The following SH3GL3 variants were observed in gnomAD, a reference collection of about 807,000 sequenced individuals.
SH3GL3 encodes SH3 domain containing GRB2 like 3, endophilin A3, also known as endophilin-A3.
A neutral mutation model predicts 47.7 loss-of-function variants in SH3GL3; 33 were observed. The ratio of observed to expected loss-of-function variants is 0.69; its 90% CI spans 0.52 to 0.92. The LOEUF (loss-of-function observed/expected upper bound fraction) is 0.92, where lower values mean the gene tolerates loss of function less well. SH3GL3 is among the 40% of genes least tolerant of loss of function. The probability of loss-of-function intolerance (pLI) is 0.00; values close to 1 mark genes in which losing one functional copy is unlikely to be tolerated. For missense variants in SH3GL3, 363 were observed against 417.8 expected (o/e 0.87, Z 1.14); for synonymous variants, 155 against 148.8 (o/e 1.04, Z -0.30).
chr15:83,568,309 C>A (rs1265287766), intron 3 of SH3GL3, among the ~76,000 whole-genome samples: 1 of 152,122 alleles, frequency 6.6e-6, no homozygotes, highest in Non-Finnish European at 1.5e-5. Context: ...TTCTATGGTT[C>A]ATCGTGGCTG....
chr15:83,479,460 G>T (rs538390367), intron 1 of SH3GL3, among the ~76,000 whole-genome samples: 1 of 152,074 alleles, frequency 6.6e-6, no homozygotes, highest in South Asian at 2.1e-4. Flanking sequence ...AATCAAGTTA[G>T]TTACCATGGA....
At chr15:83,508,609 C>T (rs1293072507) in intron 1 of SH3GL3, among the ~76,000 whole-genome samples, 5 of 151,464 alleles carry the variant, frequency 3.3e-5, no homozygotes, top group Non-Finnish European at 5.9e-5. Flanking sequence ...GATGGAGTCT[C>T]GCTCTGTTGC....
intron 1 of SH3GL3, among the ~76,000 whole-genome samples, chr15:83,492,083 G>T (rs1358547579): frequency 6.6e-6 from 1 of 152,116 alleles, no homozygotes; most frequent in African/African-American, 2.4e-5. Flanking sequence ...AGGAGATCAA[G>T]ACCATCCTGG....
intron 8 of SH3GL3, among the ~76,000 whole-genome samples, chr15:83,598,222 G>C (rs1296150131): frequency 2.0e-5 from 3 of 152,084 alleles, no homozygotes; most frequent in Non-Finnish European, 4.4e-5. Flanking sequence ...AGGGCTCCTG[G>C]CACTGGTACA....
At chr15:83,467,933 T>C (rs1337950286) in intron 1 of SH3GL3, among the ~76,000 whole-genome samples, 1 of 152,200 alleles carries the variant, frequency 6.6e-6, no homozygotes. Flanking sequence ...GTTGACGCCA[T>C]TCTCCTGCCT....
chr15:83,448,450 G>A lies in SH3GL3; in HGVS notation c.45+872G>A, dbSNP rs1453260516. On this transcript the variant is annotated intron_variant, in intron 1 of 8. Coordinates refer to ENST00000427482, the MANE Select transcript of SH3GL3 (RefSeq NM_003027.5). The surrounding 1 kb of genome is among the most constrained non-coding windows in gnomAD (Gnocchi z 4.2). ...GGGGAGACATGAAATTGATGTGTGT[G>A]TGTGTGTGTGTGTGTGTGTGTGTGT... 6.8e-6 allele frequency among the ~76,000 whole-genome samples: 1 copy of A among 147,668 alleles called. No homozygotes were observed. Among genetic ancestry groups the A allele is most frequent in the Non-Finnish European group, 1.5e-5 (1 of 66,488 alleles).
chr15:83,613,635 CTATCTAT>C (rs1469207983), intron 8 of SH3GL3, among the ~76,000 whole-genome samples: 2 of 145,776 alleles, frequency 1.4e-5, no homozygotes, highest in East Asian at 4.0e-4. Flanking sequence ...ATCTATCTAT[CTATCTAT>C]CTATCTATCT....
intron 4 of SH3GL3, among the ~76,000 whole-genome samples, chr15:83,570,833 A>G (rs1329696742): frequency 6.6e-6 from 1 of 152,202 alleles, no homozygotes; most frequent in Admixed American, 6.5e-5. Context: ...TCTAAGGGCC[A>G]ATGGGGACAA....
chr15:83,476,417 G>A (rs1261632310), intron 1 of SH3GL3, among the ~76,000 whole-genome samples: 1 of 152,146 alleles, frequency 6.6e-6, no homozygotes, highest in Non-Finnish European at 1.5e-5. Context: ...AATTTGAGGT[G>A]CTTTCATCAT....
At chr15:83,616,572 A>G (rs2060825120) in intron 8 of SH3GL3, among the ~76,000 whole-genome samples, 1 of 152,164 alleles carries the variant, frequency 6.6e-6, no homozygotes, top group African/African-American at 2.4e-5. Flanking sequence ...AACCTAATAG[A>G]AAAATAAATT....
chr15:83,553,150 C>G (rs2044753925), intron 1 of SH3GL3, among the ~76,000 whole-genome samples: 1 of 152,002 alleles, frequency 6.6e-6, no homozygotes, highest in Non-Finnish European at 1.5e-5. Context: ...CCTGTGGTCT[C>G]AGCTACTCCT....
At chr15:83,575,585 C>T (rs566367294) in intron 5 of SH3GL3, among the ~76,000 whole-genome samples, 7 of 152,240 alleles carry the variant, frequency 4.6e-5, no homozygotes, top group African/African-American at 7.2e-5. Context: ...ATTTGACATA[C>T]GGCTGACTTT....
intron 1 of SH3GL3, among the ~76,000 whole-genome samples, chr15:83,558,579 A>G (rs180753932): frequency 2.5e-3 from 379 of 152,184 alleles, no homozygotes; most frequent in African/African-American, 8.5e-3. Flanking sequence ...AACATCTTGC[A>G]GTGCACAGGA....
intron 1 of SH3GL3, among the ~76,000 whole-genome samples, chr15:83,555,912 G>C (rs2044932309): frequency 6.6e-6 from 1 of 152,132 alleles, no homozygotes; most frequent in South Asian, 2.1e-4. Context: ...TGTTTATTCT[G>C]TTTTTGAGCA....
chr15:83,597,520 C>T (rs1303725219), intron 8 of SH3GL3, among the ~76,000 whole-genome samples: 2 of 152,066 alleles, frequency 1.3e-5, no homozygotes, highest in Admixed American at 1.3e-4. Context: ...AAAAATTTTA[C>T]AAGTAACTAG....
At chr15:83,560,236 C>G (rs2045195021) in intron 2 of SH3GL3, among the ~76,000 whole-genome samples, 1 of 152,176 alleles carries the variant, frequency 6.6e-6, no homozygotes, top group Non-Finnish European at 1.5e-5. Flanking sequence ...GAAGGAAGTC[C>G]AGCCCCAGGC....
Position 83,559,354 on chromosome 15 carries a change from A to C in SH3GL3, c.114+33A>C, listed in dbSNP as rs1433435955. The C allele has an allele frequency of 2.6e-6, 3 of 1,159,572 alleles. No individual in the cohort carries two copies. In the African/African-American group the frequency reaches 4.6e-5, roughly 18 times the overall value. 71.8% of individuals were successfully genotyped at this position (1,159,572 alleles called of 1,614,324 possible). ...CATTTTAATATGTAAATTGATTAGA[A>C]ACTGACTTTCATTGTGATATGAGAT... On this transcript the variant is annotated intron_variant, in intron 2 of 8. Coordinates refer to ENST00000427482, the MANE Select transcript of SH3GL3 (RefSeq NM_003027.5).
chr15:83,547,476 A>G (rs1051104966), intron 1 of SH3GL3, among the ~76,000 whole-genome samples: 1 of 152,154 alleles, frequency 6.6e-6, no homozygotes, highest in African/African-American at 2.4e-5. Flanking sequence ...GCAATTCAAA[A>G]CTATCATTCC....
At chr15:83,482,635 A>T (rs1386296376) in intron 1 of SH3GL3, among the ~76,000 whole-genome samples, 1 of 151,914 alleles carries the variant, frequency 6.6e-6, no homozygotes, top group Middle Eastern at 3.2e-3. Flanking sequence ...CTGGGATTAC[A>T]GGCGCGCACC....
Sources: gnomAD v4.1 joint callset for allele counts (sites outside exome capture counted in the v4.1 genomes callset) on GRCh38, gnomAD v4.1.1 for gene constraint, Gnocchi (gnomAD v3.1) non-coding constraint, MANE v1.5 for transcripts, NCBI Gene and HGNC (gene_info 2026-07-23, HGNC 2026-07-21) for gene names.